COL22A1: variants seen among roughly 807,000 people sequenced by gnomAD.
COL22A1 encodes collagen alpha-1(XXII) chain.
A neutral mutation model predicts 248.9 loss-of-function variants in COL22A1; 221 were observed. The observed-to-expected ratio is 0.89, with a 90% CI of 0.80 to 0.99. The LOEUF is 0.99. Among genes scored for constraint, COL22A1 ranks in the 50% least tolerant of loss-of-function variants. COL22A1 has a pLI of 0.00. For missense variants in COL22A1, 2,240 were observed against 2,179.0 expected, an observed-to-expected ratio of 1.03 and a Z score of -0.56; for synonymous variants, 891 against 793.4, an observed-to-expected ratio of 1.12 and a Z score of -2.07.
chr8:138,698,488 C>G (rs1291747613), intron 32 of COL22A1, among the ~76,000 whole-genome samples: 4 of 152,192 alleles, frequency 2.6e-5, no homozygotes, highest in African/African-American at 9.7e-5. Context: ...AGCTGAGCTG[C>G]TGCATGGGGT....
chr8:138,708,868 A>T (rs1422534663), intron 30 of COL22A1, among the ~76,000 whole-genome samples: 1 of 152,248 alleles, frequency 6.6e-6, no homozygotes, highest in Non-Finnish European at 1.5e-5. Context: ...GAATGGGAGA[A>T]AATTTTCACA....
intron 16 of COL22A1, among the ~76,000 whole-genome samples, chr8:138,769,867 A>T (rs980845823): frequency 6.6e-6 from 1 of 152,298 alleles, no homozygotes; most frequent in African/African-American, 2.4e-5. Context: ...AGAGGTGCCC[A>T]TGTCTGCAGG....
chr8:138,779,617 A>C, intron 13 of COL22A1, 55 bp from the exon 14 acceptor site: 1 of 1,241,476 alleles, frequency 8.1e-7, no homozygotes, highest in Non-Finnish European at 1.2e-6. Context: ...GCCCAGGTAC[A>C]CCAGAGAAGC....
intron 1 of COL22A1, among the ~76,000 whole-genome samples, chr8:138,899,645 T>C (rs1035617378): frequency 4.6e-5 from 7 of 152,092 alleles, no homozygotes; most frequent in African/African-American, 1.7e-4. Context: ...TGCCTCAGCC[T>C]CCTGGGTAGC....
At chr8:138,680,877 T>C (rs768439372) in intron 39 of COL22A1, among the ~76,000 whole-genome samples, 1 of 152,250 alleles carries the variant, frequency 6.6e-6, no homozygotes, top group Non-Finnish European at 1.5e-5. Flanking sequence ...ATCTCACATT[T>C]TAAGTAGGAG....
chr8:138,763,586 G>A (rs1216737973), intron 16 of COL22A1, among the ~76,000 whole-genome samples: 1 of 151,984 alleles, frequency 6.6e-6, no homozygotes, highest in African/African-American at 2.4e-5. Context: ...CTTCCAGGTG[G>A]GCTGCAAGAA....
chr8:138,716,487 TA>T (rs1829442318), intron 28 of COL22A1, among the ~76,000 whole-genome samples, 198 bp from the exon 29 acceptor site: 1 of 152,218 alleles, frequency 6.6e-6, no homozygotes, highest in African/African-American at 2.4e-5. Context: ...AGCTCTTGTC[TA>T]CTTCAGCTGT....
At position 138,594,121 on chromosome 8, in the gene COL22A1, G is replaced by C. The variant is rs770253828; in HGVS notation, c.4511C>G (p.Pro1504Arg). Residue 1504 changes from proline (P) to arginine (R), a missense_variant, in exon 63 of 65, where the codon CCC (proline) becomes CGC (arginine). Coordinates refer to ENST00000303045, the MANE Select transcript of COL22A1 (RefSeq NM_152888.3). ...SSQGRPGPPG[P>R]PGKDGLPGRA... ...GCCTGGAAGCCCATCTTTTCCAGGG[G>C]GCCCTGGGGGCCCAGGTCTGCCTTG... The C allele has an allele frequency of 6.3e-7, 1 of 1,577,302 alleles. No homozygotes were observed. Among genetic ancestry groups the C allele is most frequent in the South Asian group, 1.2e-5 (1 of 85,760 alleles).
chr8:138,613,941 T>A, intron 55 of COL22A1, 21 bp from the exon 56 acceptor site: 1 of 1,586,916 alleles, frequency 6.3e-7, no homozygotes, highest in Non-Finnish European at 8.7e-7. Context: ...GACAGAGAGA[T>A]GGTGTCATCA....
intron 16 of COL22A1, among the ~76,000 whole-genome samples, chr8:138,774,206 T>C (rs1814165803): frequency 6.6e-6 from 1 of 152,056 alleles, no homozygotes; most frequent in African/African-American, 2.4e-5. Flanking sequence ...ACAAAAATCA[T>C]GTTTGGGAGC....
At chr8:138,682,796 T>C (rs1052532413) in intron 39 of COL22A1, among the ~76,000 whole-genome samples, 2 of 152,024 alleles carry the variant, frequency 1.3e-5, no homozygotes, top group Admixed American at 1.3e-4. Context: ...GCCTCCTGAG[T>C]TCAAGCGATT....
chr8:138,828,123 A>ACTCG (rs6150849), intron 5 of COL22A1: 83,616 of 151,350 alleles, frequency 0.55, 23,591 homozygotes, highest in East Asian at 0.67. Context: ...CTCAGCACCC[A>ACTCG]AGTAGCACGG....
At chr8:138,713,479 C>T (rs1829187679) in intron 30 of COL22A1, among the ~76,000 whole-genome samples, 1 of 152,208 alleles carries the variant, frequency 6.6e-6, no homozygotes, top group Non-Finnish European at 1.5e-5. Flanking sequence ...CCATGATTTC[C>T]CCGCACGCTG....
At chr8:138,639,254 A>T (rs1053529242) in intron 47 of COL22A1, among the ~76,000 whole-genome samples, 4 of 152,224 alleles carry the variant, frequency 2.6e-5, no homozygotes, top group African/African-American at 9.6e-5. Context: ...ATAGAAAGCA[A>T]GGTCTGGAAT....
chr8:138,832,493 G>T (rs1820123903), intron 5 of COL22A1, among the ~76,000 whole-genome samples: 1 of 152,120 alleles, frequency 6.6e-6, no homozygotes, highest in Non-Finnish European at 1.5e-5. Flanking sequence ...GTCAGGAACT[G>T]GACAAATCTT....
At chr8:138,834,475 C>T (rs746506118) in intron 4 of COL22A1, among the ~76,000 whole-genome samples, 32 of 152,072 alleles carry the variant, frequency 2.1e-4, no homozygotes, top group Non-Finnish European at 3.7e-4. Context: ...GCCAGGGCCA[C>T]GCCAAGCATT....
chr8:138,721,953 G>A, intron 26 of COL22A1, 83 bp downstream of exon 26: 1 of 1,105,152 alleles, frequency 9.0e-7, no homozygotes, highest in Middle Eastern at 1.9e-4. Flanking sequence ...TTGACTTGTT[G>A]TAGAATTCAC....
chr8:138,623,213 C>T (rs1171735784), intron 52 of COL22A1, among the ~76,000 whole-genome samples: 2 of 149,686 alleles, frequency 1.3e-5, no homozygotes, highest in Non-Finnish European at 2.9e-5. Flanking sequence ...AACCCTATCC[C>T]AGAGTTACAA....
Position 138,796,863 on chromosome 8 carries a change from A to G in COL22A1, c.1558-6T>C, listed in dbSNP as rs1482719619. On this transcript the variant is annotated splice_polypyrimidine_tract_variant and splice_region_variant and intron_variant, in intron 11 of 64. Coordinates refer to ENST00000303045, the MANE Select transcript of COL22A1 (RefSeq NM_152888.3). Reference sequence around the variant, plus strand: ...TGGCCAAAAGGTCCTATGCCCTAGAAAAATGAAAGAAGGCAAAGATTCACT... The same window carrying G: ...TGGCCAAAAGGTCCTATGCCCTAGAGAAATGAAAGAAGGCAAAGATTCACT... The G allele has an allele frequency of 1.9e-6, 3 of 1,586,664 alleles. No individual in the cohort carries two copies. In the African/African-American group the frequency reaches 4.0e-5, roughly 21 times the overall value.
Sources: gnomAD v4.1 joint callset for allele counts (sites outside exome capture counted in the v4.1 genomes callset) on GRCh38, gnomAD v4.1.1 for gene constraint, MANE v1.5 for transcripts, NCBI Gene and HGNC (gene_info 2026-07-23, HGNC 2026-07-21) for gene names.